NIPBL: variants seen among roughly 807,000 people sequenced by gnomAD.
NIPBL encodes the protein NIPBL cohesin loading factor, also known as nipped-B-like protein.
In NIPBL, 19 loss-of-function variants were observed where a neutral mutation model predicts 321.8. That is an observed-to-expected ratio of 0.06 (90% CI 0.04 to 0.09). The LOEUF (loss-of-function observed/expected upper bound fraction) is 0.09. NIPBL is among the 10% of genes least tolerant of loss of function. The pLI is 1.00. For missense variants in NIPBL, 2,210 were observed against 3,327.0 expected, an observed-to-expected ratio of 0.66 and a Z score of 8.26; for synonymous variants, 1,106 against 1,114.1, an observed-to-expected ratio of 0.99 and a Z score of 0.14.
intron 1 of NIPBL, among the ~76,000 whole-genome samples, chr5:36,932,120 T>C (rs142124561): frequency 2.6e-5 from 4 of 152,292 alleles, no homozygotes; most frequent in Non-Finnish European, 4.4e-5. Context: ...ACACCCTTTA[T>C]ATGATTTGTT....
intron 9 of NIPBL, among the ~76,000 whole-genome samples, 163 bp downstream of exon 9, chr5:36,976,565 G>A (rs772957997): frequency 1.3e-5 from 2 of 151,840 alleles, no homozygotes. Context: ...AGTTAAATTC[G>A]TAACAATTTC....
intron 1 of NIPBL, among the ~76,000 whole-genome samples, chr5:36,909,009 C>T (rs973776780): frequency 1.3e-5 from 2 of 152,100 alleles, no homozygotes; most frequent in African/African-American, 4.8e-5. Flanking sequence ...TTTTTCTAGA[C>T]TTCTTAAAAC....
Position 36,985,464 on chromosome 5 carries a change from C to A in NIPBL, c.2284C>A (p.His762Asn). ...GCGACCTGAAACACCAAAACACAGG[C>A]ATGACAATAGGAGGGATTCTGGAAA... is the stretch of plus-strand genomic sequence containing the variant. ...EGRPETPKHRHDNRRDSGKPS... is the reference protein window; with the variant it reads ...EGRPETPKHRNDNRRDSGKPS... The change falls in exon 10 of 47, where the codon CAT becomes AAT. Residue 762 changes from histidine (H) to asparagine (N), a missense_variant. Coordinates refer to ENST00000282516, the MANE Select transcript of NIPBL (RefSeq NM_133433.4). 1 of 1,613,650 alleles carries A rather than the reference C, an allele frequency of 6.2e-7. No individual in the cohort carries two copies.
In NIPBL at chr5:36,943,087, C is replaced by G. The variant is rs1236177381; in HGVS notation, c.-79-10531C>G. Reference sequence around the variant, plus strand: ...ATTTTTTATTGTCATATTGTTTTTTCTCAAATATTTTCAGTCCACAATTTG... The same window carrying G: ...ATTTTTTATTGTCATATTGTTTTTTGTCAAATATTTTCAGTCCACAATTTG... On this transcript the variant is annotated intron_variant, in intron 1 of 46. Transcript: ENST00000282516. 3.3e-5 allele frequency among the ~76,000 whole-genome samples: 5 copies of G among 151,414 alleles called. No homozygotes were observed. The East Asian group carries it at 5.8e-4, about 18-fold the overall frequency.
At position 37,003,211 on chromosome 5, in the gene NIPBL, A is replaced by C. The variant is rs374455223; in HGVS notation, c.3769-50A>C. ...AATTGTACAGATTGTTTCTTGAATAATATATAACTTTTACCAACGATTGAT... is the reference window on the plus strand; with the variant it reads ...AATTGTACAGATTGTTTCTTGAATACTATATAACTTTTACCAACGATTGAT... On this transcript the variant is annotated intron_variant, in intron 15 of 46. Transcript: ENST00000282516. The C allele has an allele frequency of 3.4e-4, 350 of 1,034,584 alleles. 4 individuals carry two copies. Among genetic ancestry groups the C allele is most frequent in the South Asian group, 2.0e-3 (160 of 79,028 alleles). The allele number at this position is 1,034,584 out of a possible 1,614,324, so 64.1% of individuals were successfully genotyped here.
At chr5:36,970,275 A>G (rs1348162815) in intron 6 of NIPBL, among the ~76,000 whole-genome samples, 1 of 151,856 alleles carries the variant, frequency 6.6e-6, no homozygotes, top group African/African-American at 2.4e-5. Context: ...AGTCCTAGCT[A>G]CTCAGAAGGC....
rs913769344 is a variant in NIPBL, at chr5:37,019,258, T to C, written c.4921-53T>C. 6.0e-6 allele frequency: 7 copies of C among 1,162,760 alleles called. No individual in the cohort carries two copies. The African/African-American group carries it at 1.1e-4, about 18-fold the overall frequency. 72.0% of individuals were successfully genotyped at this position (1,162,760 alleles called of 1,614,324 possible). A position where few individuals can be genotyped will look rare whatever the true frequency, so the allele number is the denominator to read the frequency against. ...GATTTGTGTTTACAATTAGGTGATT[T>C]ATTAAAGCACACCAGTAATATCTTT... On this transcript the variant is annotated intron_variant, in intron 24 of 46. Coordinates refer to ENST00000282516, the MANE Select transcript of NIPBL (RefSeq NM_133433.4).
chr5:37,062,924 T>C (rs968970048), intron 45 of NIPBL, among the ~76,000 whole-genome samples: 1 of 150,710 alleles, frequency 6.6e-6, no homozygotes, highest in African/African-American at 2.4e-5. Context: ...TGTCTCAATT[T>C]AAAAAGAAAA....
At chr5:37,042,524 G>A (rs1250460684) in intron 34 of NIPBL, among the ~76,000 whole-genome samples, 1 of 151,276 alleles carries the variant, frequency 6.6e-6, no homozygotes, top group African/African-American at 2.4e-5. Context: ...GGACATGATG[G>A]CTCACACCTG....
intron 1 of NIPBL, among the ~76,000 whole-genome samples, chr5:36,940,274 C>T (rs978659464): frequency 1.3e-5 from 2 of 152,054 alleles, no homozygotes; most frequent in African/African-American, 4.8e-5. Flanking sequence ...TTTAAGTGTG[C>T]CATGTTTATT....
chr5:36,890,751 T>G (rs1746261176), intron 1 of NIPBL, among the ~76,000 whole-genome samples: 1 of 152,220 alleles, frequency 6.6e-6, no homozygotes, highest in East Asian at 1.9e-4. Flanking sequence ...AAGAAAGTGC[T>G]TTTCTGCAGA....
At chr5:36,940,226 G>T (rs531277069) in intron 1 of NIPBL, among the ~76,000 whole-genome samples, 1 of 152,230 alleles carries the variant, frequency 6.6e-6, no homozygotes, top group African/African-American at 2.4e-5. Context: ...ATACAGCCTT[G>T]TGTGAAAAGA....
At chr5:37,010,598 G>T (rs1030661480) in intron 21 of NIPBL, among the ~76,000 whole-genome samples, 1 of 152,156 alleles carries the variant, frequency 6.6e-6, no homozygotes, top group Admixed American at 6.5e-5. Flanking sequence ...GAGCCACTGC[G>T]CCTGGCCAAA....
chr5:37,033,846 G>A (rs925863143), intron 32 of NIPBL, among the ~76,000 whole-genome samples: 3 of 148,390 alleles, frequency 2.0e-5, no homozygotes, highest in Non-Finnish European at 4.4e-5. Context: ...GGGACTACAA[G>A]CATGCACCAC....
At chr5:37,016,918 A>T (rs1749062660) in intron 23 of NIPBL, 101 bp from the exon 24 acceptor site, 4 of 933,206 alleles carry the variant, frequency 4.3e-6, no homozygotes, top group Non-Finnish European at 4.6e-6. Flanking sequence ...AAAAGTTTAA[A>T]TTTTAAATTA....
intron 17 of NIPBL, 109 bp from the exon 18 acceptor site, chr5:37,007,214 C>T (rs921345930): frequency 3.4e-6 from 3 of 878,100 alleles, no homozygotes; most frequent in African/African-American, 1.7e-5. Context: ...CTTCCAGGTT[C>T]TGTAGCTAGA....
chr5:37,017,197 A>G (rs1458458959), intron 24 of NIPBL, 35 bp downstream of exon 24: 1 of 1,555,084 alleles, frequency 6.4e-7, no homozygotes, highest in South Asian at 1.1e-5. Context: ...ATGGGAATGA[A>G]TAATAGTTAT....
intron 1 of NIPBL, among the ~76,000 whole-genome samples, chr5:36,901,146 C>CCT (rs1262683132): frequency 2.6e-5 from 4 of 152,150 alleles, no homozygotes; most frequent in Non-Finnish European, 5.9e-5. Flanking sequence ...TTCTTTGTGT[C>CCT]CATCTGTGGT....
intron 1 of NIPBL, among the ~76,000 whole-genome samples, chr5:36,927,528 G>A (rs571501325): frequency 6.6e-6 from 1 of 152,026 alleles, no homozygotes; most frequent in Non-Finnish European, 1.5e-5. Context: ...GGAAATGGTC[G>A]AATTTTGGAT....
Sources: gnomAD v4.1 joint callset for allele counts (sites outside exome capture counted in the v4.1 genomes callset) on GRCh38, gnomAD v4.1.1 for gene constraint, MANE v1.5 for transcripts, NCBI Gene and HGNC (gene_info 2026-07-23, HGNC 2026-07-21) for gene names.